The following CRX variants were observed in gnomAD, a reference collection of about 807,000 sequenced individuals.
CRX encodes the protein cone-rod homeobox protein.
CRX carries 5 observed loss-of-function variants against 13.1 expected under a neutral mutation model. The observed-to-expected ratio is 0.38, with a 90% CI of 0.20 to 0.80. The LOEUF (loss-of-function observed/expected upper bound fraction) is 0.80. Among genes scored for constraint, CRX ranks in the 30% least tolerant of loss-of-function variants. The probability of loss-of-function intolerance (pLI) is 0.43; values close to 1 mark genes in which losing one functional copy is unlikely to be tolerated. For missense variants in CRX, 351 were observed against 391.8 expected, an observed-to-expected ratio of 0.90 and a Z score of 0.88; for synonymous variants, 179 against 171.1, an observed-to-expected ratio of 1.05 and a Z score of -0.36.
rs1449535583 is a variant in CRX at position 47,842,769 on chromosome 19, A to T, written c.*2802A>T. ...TGTGCAAACGTTGGGACCAGAATCC[A>T]CTATAAGTTTCATTCTTCGGAGACA... On this transcript the variant is annotated 3_prime_UTR_variant, in exon 4 of 4. Coordinates refer to ENST00000221996, the MANE Select transcript of CRX (RefSeq NM_000554.6). 6.6e-6 allele frequency: 1 copy of T among 152,268 alleles called. No individual in the cohort carries two copies. Among genetic ancestry groups the T allele is most frequent in the Non-Finnish European group, 1.5e-5 (1 of 68,068 alleles). The allele number at this position is 152,268 out of a possible 1,614,324, so 9.4% of individuals were successfully genotyped here.
At chr19:47,822,826 C>G (rs1967928633) in intron 1 of CRX, among the ~76,000 whole-genome samples, 3 of 152,126 alleles carry the variant, frequency 2.0e-5, no homozygotes, top group Admixed American at 6.6e-5. Flanking sequence ...TGGAGTCTTG[C>G]TCTGTTGCCC....
intron 1 of CRX, among the ~76,000 whole-genome samples, chr19:47,823,899 C>T (rs1967942831): frequency 6.6e-6 from 1 of 152,178 alleles, no homozygotes; most frequent in Admixed American, 6.5e-5. Context: ...ATCCACCTGC[C>T]TCGGCCTCCC....
intron 1 of CRX, among the ~76,000 whole-genome samples, chr19:47,830,591 C>T (rs920510163): frequency 1.3e-5 from 2 of 151,810 alleles, no homozygotes; most frequent in African/African-American, 4.8e-5. Context: ...GTCAGGAGTT[C>T]GAGACCAGCT....
rs1229731409 is a variant in CRX at position 47,839,520 on chromosome 19, C to T, written c.453C>T (p.Gly151=). 6.2e-7 allele frequency: 1 copy of T among 1,613,700 alleles called. No individual in the cohort carries two copies. The highest frequency in any genetic ancestry group is 8.5e-7 in the Non-Finnish European group (1 of 1,179,820). ...SYSPPLPGPS[G]SPTTAVATVS... ...GTCCCCCTCTGCCCGGCCCCTCAGG[C>T]TCCCCAACCACGGCAGTGGCCACTG... The change falls in exon 4 of 4, where the codon GGC becomes GGT. Residue 151 remains glycine, a synonymous_variant. Coordinates refer to ENST00000221996, the MANE Select transcript of CRX (RefSeq NM_000554.6). The surrounding 1 kb of genome is among the most constrained non-coding windows in gnomAD (Gnocchi z 4.6).
Position 47,836,346 on chromosome 19 carries a change from C to T in CRX, c.204C>T (p.Ala68=). The change falls in exon 3 of 4, where the codon GCC becomes GCT. Residue 68 remains alanine (A), a synonymous_variant. Transcript: ENST00000221996. ...AGACCCAGTACCCAGACGTCTATGC[C>T]CGTGAGGAGGTGGCTCTGAAGATCA... The part of the protein sequence containing the change: ...FAKTQYPDVY[A]REEVALKINL... 1.2e-6 allele frequency: 2 copies of T among 1,614,184 alleles called. No homozygotes were observed. The highest frequency in any genetic ancestry group is 1.7e-6 in the Non-Finnish European group (2 of 1,180,030).
chr19:47,828,269 A>G (rs1453494468), intron 1 of CRX, among the ~76,000 whole-genome samples: 1 of 152,082 alleles, frequency 6.6e-6, no homozygotes, highest in Non-Finnish European at 1.5e-5. Context: ...CTATATTCCT[A>G]GTTCCTAGAG....
At chr19:47,834,631 A>T (rs1298789534) in intron 2 of CRX, 88 bp downstream of exon 2, 2 of 1,047,168 alleles carry the variant, frequency 1.9e-6, no homozygotes, top group Non-Finnish European at 2.9e-6. Flanking sequence ...GAAGAAGGCA[A>T]TCACAGGGGC....
Position 47,839,492 on chromosome 19 carries a change from A to G in CRX, c.425A>G (p.Tyr142Cys), listed in dbSNP as rs61748442. The part of the protein sequence containing the change: ...CPDPLGISDS[Y>C]SPPLPGPSGS... The stretch of plus-strand genomic sequence containing the variant: ...GACCCTCTGGGCATCTCAGATTCCT[A>G]CAGTCCCCCTCTGCCCGGCCCCTCA... Residue 142 changes from tyrosine (Y) to cysteine (C), a missense_variant, in exon 4 of 4, where the codon TAC becomes TGC. Transcript: ENST00000221996. The surrounding 1 kb of genome is among the most constrained non-coding windows in gnomAD (Gnocchi z 4.6). 605 of 1,613,762 alleles carry G rather than the reference A, an allele frequency of 3.7e-4. 2 individuals carry two copies. The Middle Eastern group carries it at 0.013, about 33-fold the overall frequency.
chr19:47,838,746 G>T (rs12971523), intron 3 of CRX, among the ~76,000 whole-genome samples: 1 of 151,066 alleles, frequency 6.6e-6, no homozygotes, highest in Non-Finnish European at 1.5e-5. Flanking sequence ...GGATGAATAT[G>T]TGTATGATGT....
intron 1 of CRX, among the ~76,000 whole-genome samples, chr19:47,830,389 T>C (rs1461765090): frequency 2.6e-5 from 4 of 151,780 alleles, no homozygotes; most frequent in Non-Finnish European, 5.9e-5. Context: ...AAGTCATGAA[T>C]GAAGGAACCA....
intron 1 of CRX, among the ~76,000 whole-genome samples, chr19:47,822,408 G>A (rs569223394): frequency 9.9e-5 from 15 of 152,278 alleles, no homozygotes; most frequent in East Asian, 1.9e-4. Flanking sequence ...TTTCATTTGC[G>A]CGATGATCCA....
rs71180887 is a variant in CRX, at chr19:47,827,537, C to CTTTT, written c.-36+5545_-36+5548dup. Among the ~76,000 whole-genome samples the CTTTT allele has an allele frequency of 9.6e-3, 863 of 90,344 alleles. 57 individuals are homozygous for CTTTT. The highest frequency in any genetic ancestry group is 0.018 in the African/African-American group (394 of 21,860). 59.3% of individuals were successfully genotyped at this position (90,344 alleles called of 152,430 possible). A position where few individuals can be genotyped will look rare whatever the true frequency, so the allele number is the denominator to read the frequency against. On this transcript the variant is annotated intron_variant, in intron 1 of 3. Coordinates refer to ENST00000221996, the MANE Select transcript of CRX (RefSeq NM_000554.6). ...GGGAGTTCTTGAAACTTTCTGAAGG[C>CTTTT]TTTTTTTTTTTTTTTTTTTTTGACA...
In CRX at chr19:47,834,527, G is replaced by A. The variant is rs1196202479; in HGVS notation, c.84G>A (p.Gln28=). The change falls in exon 2 of 4, where the codon CAG becomes CAA. Residue 28 remains glutamine (Q), a synonymous_variant. Coordinates refer to ENST00000221996, the MANE Select transcript of CRX (RefSeq NM_000554.6). ...LSGPSVDLMH[Q]AVPYPSAPRK... ...GCCCCAGTGTGGATCTGATGCACCA[G>A]GCTGTGCCCTACCCAAGTGAGTACA... 4.3e-6 allele frequency: 7 copies of A among 1,613,780 alleles called. No individual in the cohort carries two copies.
intron 3 of CRX, among the ~76,000 whole-genome samples, chr19:47,836,841 A>C (rs12984157): frequency 0.18 from 26,842 of 152,180 alleles, 2,620 homozygotes; most frequent in Non-Finnish European, 0.22. Context: ...ACTGACGGAC[A>C]CTCAGAGTAG....
intron 1 of CRX, among the ~76,000 whole-genome samples, chr19:47,827,000 GC>G (rs1193837295): frequency 6.6e-6 from 1 of 152,170 alleles, no homozygotes; most frequent in Admixed American, 6.5e-5. Context: ...GATGGCTTGA[GC>G]ATCCTCACAA....
rs978128869 is a variant in CRX at position 47,839,995 on chromosome 19, G to A, written c.*28G>A. The A allele has an allele frequency of 2.5e-6, 4 of 1,609,622 alleles. No individual in the cohort carries two copies. Among genetic ancestry groups the A allele is most frequent in the East Asian group, 2.2e-5 (1 of 44,868 alleles). On this transcript the variant is annotated 3_prime_UTR_variant, in exon 4 of 4. Coordinates refer to ENST00000221996, the MANE Select transcript of CRX (RefSeq NM_000554.6). This position sits in a 1 kb window ranked among gnomAD's most constrained non-coding sequence, Gnocchi z 4.6. ...GACGCAGTCTCCATCTCTCTCCATC[G>A]GGCCTCGGGACCCTTTCTCTTCTGA...
At chr19:47,838,427 T>C (rs1968145622) in intron 3 of CRX, among the ~76,000 whole-genome samples, 1 of 152,142 alleles carries the variant, frequency 6.6e-6, no homozygotes, top group Non-Finnish European at 1.5e-5. Context: ...AATGTGTATA[T>C]ATGTATGATG....
chr19:47,830,139 A>G (rs1458063279), intron 1 of CRX, among the ~76,000 whole-genome samples: 1 of 111,132 alleles, frequency 9.0e-6, no homozygotes, highest in African/African-American at 3.1e-5. Context: ...GTGCAATTAA[A>G]TGGGAAAAAA....
In CRX at chr19:47,840,093, C is replaced by T; in HGVS notation, c.*126C>T. The T allele has an allele frequency of 8.8e-7, 1 of 1,132,194 alleles. No individual in the cohort carries two copies. The highest frequency in any genetic ancestry group is 1.3e-6 in the Non-Finnish European group (1 of 779,256). 70.1% of individuals were successfully genotyped at this position (1,132,194 alleles called of 1,614,324 possible). On this transcript the variant is annotated 3_prime_UTR_variant, in exon 4 of 4. Coordinates refer to ENST00000221996, the MANE Select transcript of CRX (RefSeq NM_000554.6). ...CAACCCGAACCAGCTGTCCTTCTGACAGCTCGGTGTTCAGCTTACAGAGAC... is the reference window on the plus strand; with the variant it reads ...CAACCCGAACCAGCTGTCCTTCTGATAGCTCGGTGTTCAGCTTACAGAGAC...
Sources: allele counts gnomAD v4.1 joint callset (sites outside exome capture counted in the v4.1 genomes callset), GRCh38; gene constraint gnomAD v4.1.1; non-coding constraint Gnocchi (gnomAD v3.1); transcripts MANE v1.5; gene names NCBI Gene and HGNC (gene_info 2026-07-23, HGNC 2026-07-21).